DPYD: variants seen among roughly 807,000 people sequenced by gnomAD.
The protein encoded by DPYD is dihydropyrimidine dehydrogenase [NADP(+)].
A neutral mutation model predicts 116.2 loss-of-function variants in DPYD; 109 were observed. The ratio of observed to expected loss-of-function variants is 0.94; its 90% CI spans 0.80 to 1.10. DPYD has a LOEUF of 1.10. DPYD is among the 50% of genes least tolerant of loss of function. The pLI, the probability that DPYD is intolerant of heterozygous loss-of-function variation, is 0.00. For synonymous variants in DPYD, 440 were observed against 432.0 expected, an observed-to-expected ratio of 1.02 and a Z score of -0.23; for missense variants, 1,302 against 1,254.5, an observed-to-expected ratio of 1.04 and a Z score of -0.57.
At chr1:97,427,732 C>T (rs1022015397) in intron 14 of DPYD, among the ~76,000 whole-genome samples, 56 of 152,078 alleles carry the variant, frequency 3.7e-4, no homozygotes, top group Non-Finnish European at 1.8e-4. Flanking sequence ...AATGCACCTC[C>T]GTCTCAAACA....
At chr1:97,546,041 AGAT>A in intron 12 of DPYD, 1 of 1,375,278 alleles carries the variant, frequency 7.3e-7, no homozygotes, top group Non-Finnish European at 1.0e-6. Context: ...CACAGGTGTT[AGAT>A]GATGAAGACA....
chr1:97,116,760 T>TC (rs1186971320), intron 20 of DPYD, among the ~76,000 whole-genome samples: 2 of 152,062 alleles, frequency 1.3e-5, no homozygotes, highest in Non-Finnish European at 2.9e-5. Flanking sequence ...GGGTAGTTTT[T>TC]CTCACAGGAT....
intron 8 of DPYD, among the ~76,000 whole-genome samples, chr1:97,623,767 C>T (rs1027999258): frequency 3.3e-5 from 5 of 151,172 alleles, no homozygotes; most frequent in South Asian, 2.1e-4. Flanking sequence ...GAAAGGTATT[C>T]GCCAAAAAAA....
At chr1:97,312,972 C>T (rs1331801393) in intron 16 of DPYD, among the ~76,000 whole-genome samples, 1 of 151,802 alleles carries the variant, frequency 6.6e-6, no homozygotes, top group Non-Finnish European at 1.5e-5. Flanking sequence ...AATGTGGGTT[C>T]TACCCTTTTG....
intron 7 of DPYD, among the ~76,000 whole-genome samples, chr1:97,683,661 A>G (rs1475432882): frequency 6.6e-6 from 1 of 152,080 alleles, no homozygotes; most frequent in Non-Finnish European, 1.5e-5. Context: ...ATAAATAAAC[A>G]TCAGCTAAGA....
chr1:97,905,064 T>C (rs994551142), intron 1 of DPYD, among the ~76,000 whole-genome samples: 10 of 152,206 alleles, frequency 6.6e-5, no homozygotes, highest in Admixed American at 6.6e-4. Flanking sequence ...GGAAGTATAC[T>C]ATTTTAGAAT....
At chr1:97,913,766 G>A (rs1428334310) in intron 1 of DPYD, among the ~76,000 whole-genome samples, 1 of 151,966 alleles carries the variant, frequency 6.6e-6, no homozygotes, top group Non-Finnish European at 1.5e-5. Context: ...ATAAAGTTTT[G>A]GGAGAGAAGT....
intron 12 of DPYD, among the ~76,000 whole-genome samples, chr1:97,531,764 G>A (rs1649643127): frequency 6.6e-6 from 1 of 152,062 alleles, no homozygotes; most frequent in Non-Finnish European, 1.5e-5. Context: ...AATATAAGAT[G>A]TCTTTCCATT....
At chr1:97,697,481 C>T (rs190454683) in intron 6 of DPYD, among the ~76,000 whole-genome samples, 65 of 152,068 alleles carry the variant, frequency 4.3e-4, no homozygotes, top group African/African-American at 1.0e-3. Context: ...GCTATAATTC[C>T]GGCTAAATTC....
At chr1:97,835,291 G>A (rs527585411) in intron 2 of DPYD, among the ~76,000 whole-genome samples, 57 of 152,150 alleles carry the variant, frequency 3.7e-4, no homozygotes, top group African/African-American at 1.3e-3. Context: ...TATCAATGAA[G>A]ATGATGAAAG....
chr1:97,247,195 A>C (rs1662776836), intron 18 of DPYD, among the ~76,000 whole-genome samples: 1 of 152,328 alleles, frequency 6.6e-6, no homozygotes, highest in East Asian at 1.9e-4. Flanking sequence ...TCACAGATGC[A>C]TCTATACTTT....
intron 16 of DPYD, among the ~76,000 whole-genome samples, chr1:97,323,138 T>G (rs1165774506): frequency 6.7e-6 from 1 of 149,954 alleles, no homozygotes; most frequent in African/African-American, 2.4e-5. Flanking sequence ...TGTGTGTTTA[T>G]GTATAGGCAT....
At chr1:97,781,492 C>T (rs944905829) in intron 3 of DPYD, among the ~76,000 whole-genome samples, 6 of 152,136 alleles carry the variant, frequency 3.9e-5, no homozygotes, top group Non-Finnish European at 4.4e-5. Flanking sequence ...ATAAAGACAT[C>T]CTTTCAACAT....
chr1:97,078,889 A>G lies in DPYD; in HGVS notation c.*87T>C. On this transcript the variant is annotated 3_prime_UTR_variant, in exon 23 of 23. Transcript: ENST00000370192. ...AAAATGTATATTTGTTTTAATTTGG[A>G]AAGAGCTGAACACAAGGATCATGAT... 6.9e-7 allele frequency: 1 copy of G among 1,445,868 alleles called. No individual in the cohort carries two copies. Among genetic ancestry groups the G allele is most frequent in the Non-Finnish European group, 9.7e-7 (1 of 1,029,052 alleles). The allele number at this position is 1,445,868 out of a possible 1,614,324, so 89.6% of individuals were successfully genotyped here.
At chr1:97,699,622 A>G (rs1571211128) in intron 5 of DPYD, 75 bp from the exon 6 acceptor site, 5 of 1,434,636 alleles carry the variant, frequency 3.5e-6, no homozygotes, top group Non-Finnish European at 4.9e-6. Flanking sequence ...TAATGTTTCA[A>G]ACGAATTCTT....
At chr1:97,374,970 A>AG (rs1332372829) in intron 15 of DPYD, among the ~76,000 whole-genome samples, 2 of 146,476 alleles carry the variant, frequency 1.4e-5, no homozygotes, top group Non-Finnish European at 3.0e-5. Flanking sequence ...CGGAGGTGGC[A>AG]GTGAGCTGAG....
chr1:97,756,487 C>A (rs529107046), intron 3 of DPYD, among the ~76,000 whole-genome samples: 7 of 152,050 alleles, frequency 4.6e-5, no homozygotes, highest in Non-Finnish European at 1.0e-4. Context: ...TATGATGAGA[C>A]AACACTAAAA....
intron 16 of DPYD, among the ~76,000 whole-genome samples, chr1:97,323,741 T>C (rs933726639): frequency 2.7e-5 from 4 of 148,190 alleles, no homozygotes; most frequent in African/African-American, 9.9e-5. Context: ...CATATATATA[T>C]AATATATTTA....
chr1:97,134,013 AAATATATATATATATATAT>A lies in DPYD; in HGVS notation c.2623-35400_2623-35382del, dbSNP rs1324157698. 3.7e-3 allele frequency among the ~76,000 whole-genome samples: 69 copies of A among 18,798 alleles called. 6 individuals carry two copies. The highest frequency in any genetic ancestry group is 4.8e-3 in the Non-Finnish European group (47 of 9,746). The allele number at this position is 18,798 out of a possible 152,430, so 12.3% of individuals were successfully genotyped here. A position where few individuals can be genotyped will look rare whatever the true frequency, so the allele number is the denominator to read the frequency against. On this transcript the variant is annotated intron_variant, in intron 20 of 22. Transcript: ENST00000370192. ...GACTCTGTTTCAAAAAAAAAAAAAA[AAATATATATATATATATAT>A]ATATATATATATATATATATATATA...
Sources: gnomAD v4.1 joint callset for allele counts (sites outside exome capture counted in the v4.1 genomes callset) on GRCh38, gnomAD v4.1.1 for gene constraint, MANE v1.5 for transcripts, NCBI Gene and HGNC (gene_info 2026-07-23, HGNC 2026-07-21) for gene names.